PDE10A: variants seen among roughly 807,000 people sequenced by gnomAD.
PDE10A encodes phosphodiesterase 10A.
PDE10A carries 39 observed loss-of-function variants against 97.7 expected under a neutral mutation model. The ratio of observed to expected loss-of-function variants is 0.40; its 90% CI spans 0.31 to 0.52. The LOEUF (loss-of-function observed/expected upper bound fraction) is 0.52. Among genes scored for constraint, PDE10A ranks in the 20% least tolerant of loss-of-function variants. The pLI is 0.56. For synonymous variants in PDE10A, 371 were observed against 376.8 expected, an observed-to-expected ratio of 0.98 and a Z score of 0.18; for missense variants, 731 against 1,047.8, an observed-to-expected ratio of 0.70 and a Z score of 4.17.
intron 2 of PDE10A, among the ~76,000 whole-genome samples, chr6:165,514,926 T>C (rs1002921202): frequency 6.6e-6 from 1 of 152,204 alleles, no homozygotes; most frequent in African/African-American, 2.4e-5. Context: ...CACTTCATAA[T>C]TGCCTTTTGG....
chr6:165,639,838 A>G (rs544170969), intron 1 of PDE10A, among the ~76,000 whole-genome samples: 60 of 150,880 alleles, frequency 4.0e-4, no homozygotes, highest in African/African-American at 1.4e-3. Flanking sequence ...GAGGCCAAGG[A>G]GGGAGGACTG....
chr6:165,923,778 T>TGG (rs1443166434), intron 1 of PDE10A, among the ~76,000 whole-genome samples: 4 of 152,234 alleles, frequency 2.6e-5, no homozygotes, highest in African/African-American at 7.2e-5. Flanking sequence ...AACTGTGTTT[T>TGG]TTTTTTTAAA....
Position 165,409,055 on chromosome 6 carries a change from C to G in PDE10A, c.2076+4446G>C, listed in dbSNP as rs1043928169. On this transcript the variant is annotated intron_variant, in intron 13 of 21. Coordinates refer to ENST00000539869, the MANE Select transcript of PDE10A (RefSeq NM_001385079.1). ...TGGCGGGTGCCTGTAGTCCCAGCTA[C>G]TCGGGAGGCTGAGGCAGGAGAATGG... Among the ~76,000 whole-genome samples the G allele has an allele frequency of 4.2e-4, 62 of 146,576 alleles. 1 individual carries two copies. Among genetic ancestry groups the G allele is most frequent in the African/African-American group, 1.5e-3 (60 of 39,202 alleles).
chr6:165,575,099 C>T (rs1426687988), intron 1 of PDE10A, among the ~76,000 whole-genome samples: 2 of 152,168 alleles, frequency 1.3e-5, no homozygotes, highest in Non-Finnish European at 2.9e-5. Flanking sequence ...TTTGAATTAA[C>T]TTTGCCTCAC....
At chr6:165,783,508 C>T (rs1565884) in intron 1 of PDE10A, among the ~76,000 whole-genome samples, 150,048 of 152,320 alleles carry the variant, frequency 0.99, 73,953 homozygotes, top group Middle Eastern at 1. Flanking sequence ...GGAACTTTTA[C>T]CTATTTGATG....
chr6:165,486,409 T>C (rs1779921981), intron 2 of PDE10A, among the ~76,000 whole-genome samples: 1 of 152,220 alleles, frequency 6.6e-6, no homozygotes, highest in South Asian at 2.1e-4. Flanking sequence ...CGCTTCTGTA[T>C]ATAAGTACTA....
chr6:165,939,205 G>A (rs963711034), intron 1 of PDE10A, among the ~76,000 whole-genome samples: 3 of 152,158 alleles, frequency 2.0e-5, no homozygotes, highest in Admixed American at 6.5e-5. Flanking sequence ...ACAGGTTAAC[G>A]AGTATCCCTT....
chr6:165,559,456 A>G (rs1482289120), intron 1 of PDE10A, among the ~76,000 whole-genome samples: 3 of 152,212 alleles, frequency 2.0e-5, no homozygotes, highest in Admixed American at 2.0e-4. Flanking sequence ...TTAAATCATA[A>G]AAGAAAATTA....
chr6:165,680,027 C>A (rs1393995753), intron 1 of PDE10A, among the ~76,000 whole-genome samples: 1 of 151,846 alleles, frequency 6.6e-6, no homozygotes, highest in African/African-American at 2.4e-5. Context: ...TATGGGGTAC[C>A]CATGGTGGGA....
intron 1 of PDE10A, among the ~76,000 whole-genome samples, chr6:165,721,041 G>T (rs1341669969): frequency 1.3e-5 from 2 of 152,220 alleles, no homozygotes; most frequent in South Asian, 4.1e-4. Context: ...ATGTTACACG[G>T]AACAGTAACA....
At chr6:165,863,172 G>A (rs78603795) in intron 1 of PDE10A, among the ~76,000 whole-genome samples, 7,923 of 152,250 alleles carry the variant, frequency 0.052, 235 homozygotes, top group Middle Eastern at 0.085. Context: ...CAACCACACC[G>A]TGAGGACCTT....
intron 1 of PDE10A, among the ~76,000 whole-genome samples, chr6:165,872,241 C>T (rs1004026776): frequency 2.6e-5 from 4 of 152,172 alleles, no homozygotes; most frequent in African/African-American, 7.2e-5. Flanking sequence ...ACATCCCACG[C>T]GTTTAATAAA....
chr6:165,864,110 G>A (rs992984276), intron 1 of PDE10A, among the ~76,000 whole-genome samples: 1 of 151,960 alleles, frequency 6.6e-6, no homozygotes, highest in African/African-American at 2.4e-5. Flanking sequence ...ACCTCATTGT[G>A]TACCGCAAAT....
intron 1 of PDE10A, among the ~76,000 whole-genome samples, chr6:165,702,631 AT>A (rs1392978729): frequency 1.3e-5 from 2 of 152,184 alleles, no homozygotes; most frequent in Admixed American, 6.5e-5. Context: ...CCACCTGTGA[AT>A]GTACTAAACT....
chr6:165,915,130 CA>C (rs1345016099), intron 1 of PDE10A, among the ~76,000 whole-genome samples: 2 of 152,070 alleles, frequency 1.3e-5, no homozygotes, highest in Non-Finnish European at 2.9e-5. Flanking sequence ...AGAGTGTGTT[CA>C]AAACCAATTT....
intron 1 of PDE10A, among the ~76,000 whole-genome samples, chr6:165,935,919 G>A (rs1783310064): frequency 6.6e-6 from 1 of 152,210 alleles, no homozygotes; most frequent in African/African-American, 2.4e-5. Context: ...CTCCAGAACT[G>A]TGAGCCAAAT....
At chr6:165,397,978 G>T (rs1258738979) in intron 13 of PDE10A, among the ~76,000 whole-genome samples, 3 of 151,638 alleles carry the variant, frequency 2.0e-5, no homozygotes, top group Non-Finnish European at 4.4e-5. Flanking sequence ...AATTAAGTGG[G>T]TATATTTTTA....
At chr6:165,355,764 TAAAAC>T (rs1330173326) in intron 18 of PDE10A, among the ~76,000 whole-genome samples, 2 of 152,192 alleles carry the variant, frequency 1.3e-5, no homozygotes, top group African/African-American at 4.8e-5. Flanking sequence ...TCAGCTTTAT[TAAAAC>T]AAAACAAAAT....
chr6:165,987,561 TC>T (rs1348200861), exon 1 of PDE10A: 2 of 388,008 alleles, frequency 5.2e-6, no homozygotes, highest in Non-Finnish European at 5.1e-6. Flanking sequence ...ATATCTGCTT[TC>T]CGCTTCATTT....
Sources: gnomAD v4.1 joint callset for allele counts (sites outside exome capture counted in the v4.1 genomes callset) on GRCh38, gnomAD v4.1.1 for gene constraint, MANE v1.5 for transcripts, NCBI Gene and HGNC (gene_info 2026-07-23, HGNC 2026-07-21) for gene names.